The following PCDH11Y variants were observed in gnomAD, a reference collection of about 807,000 sequenced individuals.
The protein encoded by PCDH11Y is protocadherin-11 Y-linked.
For synonymous variants in PCDH11Y, 9 were observed against 83.6 expected (o/e 0.11, Z 4.87); for missense variants, 12 against 224.8 (o/e 0.05, Z 6.05).
intron 2 of PCDH11Y, among the ~76,000 whole-genome samples, chrY:5,245,481 A>G (rs2052994700): frequency 3.1e-5 from 1 of 32,015 alleles, no homozygotes; most frequent in African/African-American, 1.2e-4. Flanking sequence ...ATAGGGCCTG[A>G]AGTGAACCCC....
At chrY:5,125,239 C>T (rs2124640510) in intron 2 of PCDH11Y, among the ~76,000 whole-genome samples, 9 of 32,718 alleles carry the variant, frequency 2.8e-4, no homozygotes, top group Admixed American at 2.0e-3. Flanking sequence ...TTCTTAAACA[C>T]AAGAGTAGCA....
chrY:5,716,127 T>C, intron 4 of PCDH11Y, among the ~76,000 whole-genome samples: 1 of 32,819 alleles, frequency 3.0e-5, no homozygotes, highest in Non-Finnish European at 7.5e-5. Flanking sequence ...AGCTAGTATA[T>C]CACGCTGAAT....
intron 3 of PCDH11Y, among the ~76,000 whole-genome samples, chrY:5,040,572 A>G: frequency 6.3e-5 from 2 of 31,586 alleles, no homozygotes; most frequent in African/African-American, 2.5e-4. Flanking sequence ...CTTCCAATAT[A>G]CTATTATATT....
chrY:5,301,069 G>A (rs2124663141), intron 2 of PCDH11Y, among the ~76,000 whole-genome samples: 1 of 33,792 alleles, frequency 3.0e-5, no homozygotes, highest in Admixed American at 2.7e-4. Flanking sequence ...TCTCTGTTGG[G>A]TTTTACTGAG....
At chrY:5,541,544 C>T in intron 3 of PCDH11Y, among the ~76,000 whole-genome samples, 1 of 32,690 alleles carries the variant, frequency 3.1e-5, no homozygotes, top group Admixed American at 2.8e-4. Flanking sequence ...CTCTTTATTT[C>T]CTTCTGTGTC....
At chrY:5,084,452 C>G in intron 1 of PCDH11Y, among the ~76,000 whole-genome samples, 1 of 29,017 alleles carries the variant, frequency 3.4e-5, no homozygotes, top group African/African-American at 1.4e-4. Flanking sequence ...TGACAATGAT[C>G]CATGTGCTGA....
intron 1 of PCDH11Y, among the ~76,000 whole-genome samples, chrY:5,096,688 A>ATTTT (rs1451630867): frequency 3.1e-4 from 1 of 3,203 alleles, no homozygotes; most frequent in African/African-American, 1.6e-3. Context: ...CAGGGAGGGG[A>ATTTT]TTTTTTTTTT....
intron 2 of PCDH11Y, among the ~76,000 whole-genome samples, chrY:5,427,084 G>A: frequency 1.2e-4 from 4 of 32,345 alleles, no homozygotes. Flanking sequence ...CAGGATACAC[G>A]GAAGGCCTAA....
At chrY:5,471,554 C>G in intron 2 of PCDH11Y, among the ~76,000 whole-genome samples, 1 of 32,408 alleles carries the variant, frequency 3.1e-5, no homozygotes, top group Non-Finnish European at 7.7e-5. Flanking sequence ...CTTATTTTCT[C>G]ACTCTTTAGG....
chrY:5,317,314 T>C, intron 2 of PCDH11Y, among the ~76,000 whole-genome samples: 1 of 33,348 alleles, frequency 3.0e-5, no homozygotes, highest in Non-Finnish European at 7.4e-5. Context: ...AGATTTGCCC[T>C]AAGCAGTTCC....
At chrY:5,679,626 GA>G (rs2053556641) in intron 4 of PCDH11Y, among the ~76,000 whole-genome samples, 1 of 33,247 alleles carries the variant, frequency 3.0e-5, no homozygotes, top group South Asian at 6.8e-4. Context: ...AAAAGTTAAA[GA>G]AACATTGTTT....
At chrY:5,711,185 A>G in intron 4 of PCDH11Y, among the ~76,000 whole-genome samples, 1 of 14,398 alleles carries the variant, frequency 6.9e-5, no homozygotes, top group African/African-American at 2.8e-4. Context: ...GGGAAGAATA[A>G]CAGCAGTCAC....
In PCDH11Y at chrY:5,211,058, C is replaced by A. The variant is rs1602886855; in HGVS notation, c.3129+110351C>A. 5.9e-4 allele frequency among the ~76,000 whole-genome samples: 18 copies of A among 30,284 alleles called. No homozygotes were observed. The East Asian group carries it at 7.2e-3, about 12-fold the overall frequency. The allele number at this position is 30,284 out of a possible 37,273, so 81.2% of individuals were successfully genotyped here. On this transcript the variant is annotated intron_variant, in intron 2 of 4. Coordinates refer to the PCDH11Y transcript ENST00000400457. ...GTGGCTAAGAACAACACAAATCTAT[C>A]ATTTTATATTTCTGAAGGTTAAAGG...
At chrY:5,108,522 A>C (rs1602868872), downstream of PCDH11Y, among the ~76,000 whole-genome samples, 180 of 31,696 alleles carry the variant, frequency 5.7e-3, no homozygotes, top group Admixed American at 0.024. Context: ...CCAAGGCGGG[A>C]GGATCACGAG....
chrY:5,462,756 C>T, intron 2 of PCDH11Y, among the ~76,000 whole-genome samples: 1 of 31,880 alleles, frequency 3.1e-5, no homozygotes, highest in African/African-American at 1.2e-4. Context: ...CCTGCCTCAG[C>T]CTCCCAAGTA....
chrY:5,417,694 C>T, intron 2 of PCDH11Y, among the ~76,000 whole-genome samples: 1 of 32,564 alleles, frequency 3.1e-5, no homozygotes, highest in Non-Finnish European at 7.6e-5. Flanking sequence ...ATACCAAATT[C>T]GAACATTCAG....
At chrY:5,642,412 C>G (rs2053523812) in intron 4 of PCDH11Y, among the ~76,000 whole-genome samples, 1 of 33,293 alleles carries the variant, frequency 3.0e-5, no homozygotes, top group African/African-American at 1.2e-4. Context: ...GCTTTTTGAC[C>G]AAAATAATGA....
chrY:5,012,252 G>A (rs2052551019), intron 1 of PCDH11Y, among the ~76,000 whole-genome samples: 1 of 31,837 alleles, frequency 3.1e-5, no homozygotes, highest in African/African-American at 1.2e-4. Context: ...AACTACCTGA[G>A]ACTGGGTAAT....
chrY:5,106,913 G>A, downstream of PCDH11Y, among the ~76,000 whole-genome samples: 1 of 31,334 alleles, frequency 3.2e-5, no homozygotes. Context: ...AAATGACGAA[G>A]CCCAGAAAAG....
Sources: gnomAD v4.1 joint callset for allele counts (sites outside exome capture counted in the v4.1 genomes callset) on GRCh38, gnomAD v4.1.1 for gene constraint, MANE v1.5 for transcripts, NCBI Gene and HGNC (gene_info 2026-07-23, HGNC 2026-07-21) for gene names.